Variants in JCAD observed in about 807,000 individuals in gnomAD.
JCAD encodes junctional cadherin 5 associated.
JCAD carries 40 observed loss-of-function variants against 98.0 expected under a neutral mutation model. The observed-to-expected ratio is 0.41, with a 90% CI of 0.32 to 0.53. JCAD has a LOEUF of 0.53. Ranked by LOEUF, JCAD falls within the 20% of genes least tolerant of loss-of-function variation. The pLI, the probability that JCAD is intolerant of heterozygous loss-of-function variation, is 0.31. For missense variants in JCAD, 1,705 were observed against 1,738.1 expected, an observed-to-expected ratio of 0.98 and a Z score of 0.34; for synonymous variants, 691 against 682.3, an observed-to-expected ratio of 1.01 and a Z score of -0.20.
upstream of JCAD, among the ~76,000 whole-genome samples, chr10:30,061,464 C>T (rs1036272935): frequency 2.6e-5 from 4 of 151,794 alleles, no homozygotes; most frequent in African/African-American, 9.7e-5. Flanking sequence ...ATCACATGAA[C>T]CCGGGAGGTG....
upstream of JCAD, among the ~76,000 whole-genome samples, chr10:30,063,584 T>G (rs1002910986): frequency 2.0e-5 from 3 of 152,192 alleles, no homozygotes; most frequent in Non-Finnish European, 4.4e-5. Flanking sequence ...CCAGTTCTCA[T>G]TTTTTAAAAG....
intron 2 of JCAD, among the ~76,000 whole-genome samples, chr10:30,041,938 A>G (rs1214452802): frequency 6.6e-6 from 1 of 152,196 alleles, no homozygotes; most frequent in East Asian, 1.9e-4. Flanking sequence ...ATGTGCAGAT[A>G]ACACAGTTTT....
intron 1 of JCAD, among the ~76,000 whole-genome samples, chr10:30,070,628 CTG>C (rs1379362313): frequency 1.4e-4 from 21 of 152,220 alleles, no homozygotes; most frequent in African/African-American, 4.8e-4. Flanking sequence ...CTGGAGGTTA[CTG>C]TAACTAACTG....
intron 3 of JCAD, among the ~76,000 whole-genome samples, chr10:30,024,688 A>ATTTTTTTTT (rs35394945): frequency 9.9e-6 from 1 of 100,664 alleles, no homozygotes; most frequent in Non-Finnish European, 1.8e-5. Flanking sequence ...GCCCATGTAC[A>ATTTTTTTTT]TTTTTTTTTT....
intron 1 of JCAD, among the ~76,000 whole-genome samples, chr10:30,114,852 T>C (rs1005749660): frequency 6.6e-6 from 1 of 151,426 alleles, no homozygotes; most frequent in Non-Finnish European, 1.5e-5. Flanking sequence ...GATAGATAGA[T>C]AGATGATAGA....
In JCAD at chr10:30,016,398, AAGGG is replaced by A. The variant is rs148016225; in HGVS notation, c.*1481_*1484del. 0.42 allele frequency: 54,211 copies of A among 129,952 alleles called. 11,461 individuals are homozygous for A. Among genetic ancestry groups the A allele is most frequent in the African/African-American group, 0.46 (15,093 of 33,046 alleles). The allele number at this position is 129,952 out of a possible 1,614,324, so 8.0% of individuals were successfully genotyped here. Reference sequence around the variant, plus strand: ...GGAGGACAGAAGGAAGGAAGAAAGGAAGGGAGGGAGGGAGGGAGGGAGGGGAAAT... The same window carrying A: ...GGAGGACAGAAGGAAGGAAGAAAGGAAGGGAGGGAGGGAGGGAGGGGAAAT... On this transcript the variant is annotated 3_prime_UTR_variant, in exon 4 of 4. Coordinates refer to ENST00000375377, the MANE Select transcript of JCAD (RefSeq NM_020848.4).
chr10:30,075,608 G>A (rs531329314), intron 1 of JCAD, among the ~76,000 whole-genome samples: 3 of 152,260 alleles, frequency 2.0e-5, no homozygotes, highest in South Asian at 2.1e-4. Flanking sequence ...GGGAAGCTAC[G>A]CGGAATACAA....
In JCAD at chr10:30,047,646, T is replaced by C. The variant is rs1456500356; in HGVS notation, c.167A>G (p.His56Arg). Residue 56 changes from histidine to arginine, a missense_variant, in exon 2 of 4, where the codon CAT becomes CGT. Coordinates refer to ENST00000375377, the MANE Select transcript of JCAD (RefSeq NM_020848.4). ...TCCTTTCCCCGCGGACGTCTTACGATGTGCGAGGGCCGCAGGGCCATCCTC... is the reference window on the plus strand; with the variant it reads ...TCCTTTCCCCGCGGACGTCTTACGACGTGCGAGGGCCGCAGGGCCATCCTC... ...GHEDGPAALA[H>R]RKTSAGKGHV... The C allele has an allele frequency of 3.1e-6, 5 of 1,614,192 alleles. No individual in the cohort carries two copies. In the East Asian group the frequency reaches 6.7e-5, roughly 22 times the overall value.
rs537116790 is a variant in JCAD, at chr10:30,068,979, T to A, written n.250+721A>T. Among the ~76,000 whole-genome samples, 9 of 152,380 alleles carry A rather than the reference T, an allele frequency of 5.9e-5. No homozygotes were observed. The South Asian group carries it at 1.9e-3, about 32-fold the overall frequency. On this transcript the variant is annotated intron_variant and non_coding_transcript_variant, in intron 2 of 2. Coordinates refer to the JCAD transcript ENST00000465712. ...ACTGGTGCTTACCCCAGGCTTTGCA[T>A]GGCCTGAGGTGCCTCTTGTTTATAG... is the stretch of plus-strand genomic sequence containing the variant.
rs1836914484 is a variant in JCAD at position 30,028,899 on chromosome 10, A to T, written c.1249T>A (p.Tyr417Asn). ...GGAATGTACTGAACGAAGCCGTCATAGGCAGTGACAGGTCGGGGATGTGCG... is the reference window on the plus strand; with the variant it reads ...GGAATGTACTGAACGAAGCCGTCATTGGCAGTGACAGGTCGGGGATGTGCG... ...LPAHPRPVTA[Y>N]DGFVQYIPFD... is the part of the protein sequence containing the mutation. Residue 417 changes from tyrosine to asparagine, a missense_variant, in exon 3 of 4, where the codon TAT becomes AAT. Coordinates refer to ENST00000375377, the MANE Select transcript of JCAD (RefSeq NM_020848.4). 6.2e-7 allele frequency: 1 copy of T among 1,614,196 alleles called. No individual in the cohort carries two copies. The highest frequency in any genetic ancestry group is 1.3e-5 in the African/African-American group (1 of 75,054).
intron 1 of JCAD, among the ~76,000 whole-genome samples, chr10:30,071,590 A>C (rs1009499811): frequency 6.6e-6 from 1 of 152,122 alleles, no homozygotes; most frequent in African/African-American, 2.4e-5. Flanking sequence ...AGATAAGCTA[A>C]GGTCAGGAGT....
At chr10:30,054,065 A>C in intron 1 of JCAD, among the ~76,000 whole-genome samples, 1 of 152,238 alleles carries the variant, frequency 6.6e-6, no homozygotes, top group East Asian at 1.9e-4. Context: ...ATCTCAAAAA[A>C]AAATTCTGGT....
chr10:30,046,314 C>T (rs73598341), intron 2 of JCAD, among the ~76,000 whole-genome samples: 3,004 of 152,240 alleles, frequency 0.02, 89 homozygotes, highest in African/African-American at 0.068. Context: ...GAAATTCTCT[C>T]CTTTTTTACC....
chr10:30,091,445 G>A (rs535788681), intron 1 of JCAD, among the ~76,000 whole-genome samples: 1 of 151,998 alleles, frequency 6.6e-6, no homozygotes, highest in Admixed American at 6.6e-5. Flanking sequence ...TTTATTTTTA[G>A]TTTTTAACAA....
chr10:30,058,369 G>A (rs1011920102), intron 1 of JCAD, among the ~76,000 whole-genome samples: 3 of 151,718 alleles, frequency 2.0e-5, no homozygotes, highest in African/African-American at 7.2e-5. Flanking sequence ...GAGTGCGTGC[G>A]GGGGTGGGAG....
At chr10:30,030,163 G>T (rs574497349) in intron 2 of JCAD, among the ~76,000 whole-genome samples, 2 of 152,334 alleles carry the variant, frequency 1.3e-5, no homozygotes, top group South Asian at 4.1e-4. Flanking sequence ...CTGGTGGAAG[G>T]CCGGGCACCG....
intron 3 of JCAD, among the ~76,000 whole-genome samples, chr10:30,019,357 CAAAAAAAAAAA>C (rs58164754): frequency 5.0e-5 from 5 of 100,300 alleles, no homozygotes; most frequent in South Asian, 3.6e-4. Context: ...AACTCTGTCT[CAAAAAAAAAAA>C]AAAAAAAAAG....
At chr10:30,094,983 G>A (rs1445578609) in intron 1 of JCAD, among the ~76,000 whole-genome samples, 1 of 152,202 alleles carries the variant, frequency 6.6e-6, no homozygotes, top group Non-Finnish European at 1.5e-5. Context: ...TGTCTGAGTA[G>A]GTTGTTGGAC....
chr10:30,070,540 C>T (rs144648005), intron 1 of JCAD, among the ~76,000 whole-genome samples: 199 of 152,258 alleles, frequency 1.3e-3, no homozygotes, highest in African/African-American at 4.4e-3. Context: ...ATTATTTGTC[C>T]GCATCTTTTT....
Sources: allele counts gnomAD v4.1 joint callset (sites outside exome capture counted in the v4.1 genomes callset), GRCh38; gene constraint gnomAD v4.1.1; transcripts MANE v1.5; gene names NCBI Gene and HGNC (gene_info 2026-07-23, HGNC 2026-07-21).